PLCXD3: variants seen among roughly 807,000 people sequenced by gnomAD.
PLCXD3 encodes PI-PLC X domain-containing protein 3.
Under a neutral mutation model 25.5 loss-of-function variants are expected in PLCXD3, and 19 were observed. The observed-to-expected ratio is 0.75, with a 90% CI of 0.52 to 1.09. The LOEUF (loss-of-function observed/expected upper bound fraction) is 1.09, where lower values mean the gene tolerates loss of function less well. Ranked by LOEUF, PLCXD3 falls within the 50% of genes least tolerant of loss-of-function variation. The pLI is 0.00. For synonymous variants in PLCXD3, 174 were observed against 137.6 expected, an observed-to-expected ratio of 1.26 and a Z score of -1.85; for missense variants, 411 against 388.1, an observed-to-expected ratio of 1.06 and a Z score of -0.50.
chr5:41,450,871 A>G (rs1362617341), intron 1 of PLCXD3, among the ~76,000 whole-genome samples: 16 of 152,062 alleles, frequency 1.1e-4, no homozygotes, highest in Non-Finnish European at 1.5e-5. Flanking sequence ...AAAGAAGGAG[A>G]TGGATTGCAG....
intron 2 of PLCXD3, among the ~76,000 whole-genome samples, chr5:41,380,354 G>A (rs1294535649): frequency 1.3e-5 from 2 of 151,596 alleles, no homozygotes; most frequent in African/African-American, 2.4e-5. Flanking sequence ...GTGTTTTTTC[G>A]CTTCCCCAGT....
chr5:41,372,138 T>G (rs1178837012), intron 2 of PLCXD3, among the ~76,000 whole-genome samples: 1 of 152,120 alleles, frequency 6.6e-6, no homozygotes, highest in Non-Finnish European at 1.5e-5. Flanking sequence ...ACTAGTTATA[T>G]TTTAAGCTAG....
chr5:41,403,407 T>TTTTTTTTTTTTTTTTTTTTTTTTTTTA (rs1554047960), intron 1 of PLCXD3, among the ~76,000 whole-genome samples: 1 of 34,476 alleles, frequency 2.9e-5, no homozygotes, highest in African/African-American at 1.1e-4. Flanking sequence ...TGTTGTTTTT[T>TTTTTTTTTTTTTTTTTTTTTTTTTTTA]TTTTTTTTTA....
At chr5:41,509,024 C>T (rs1454371886) in intron 1 of PLCXD3, among the ~76,000 whole-genome samples, 1 of 152,164 alleles carries the variant, frequency 6.6e-6, no homozygotes, top group Non-Finnish European at 1.5e-5. Context: ...CTGTGGATAG[C>T]ACTTGTAGTA....
chr5:41,368,375 A>C (rs554204559), intron 2 of PLCXD3, among the ~76,000 whole-genome samples: 122 of 152,302 alleles, frequency 8.0e-4, no homozygotes, highest in African/African-American at 2.8e-3. Context: ...CAATTTTTGC[A>C]CATTAATTTT....
chr5:41,403,407 T>TTTTTTTTTTTTTTTTTTTTTAC (rs1554047960), intron 1 of PLCXD3, among the ~76,000 whole-genome samples: 13 of 34,522 alleles, frequency 3.8e-4, no homozygotes, highest in South Asian at 6.7e-4. Flanking sequence ...TGTTGTTTTT[T>TTTTTTTTTTTTTTTTTTTTTAC]TTTTTTTTTA....
intron 2 of PLCXD3, among the ~76,000 whole-genome samples, chr5:41,346,919 C>T (rs1744317298): frequency 6.6e-6 from 1 of 152,178 alleles, no homozygotes. Context: ...GCTTCATCTT[C>T]GTTCCTTCTA....
intron 1 of PLCXD3, among the ~76,000 whole-genome samples, chr5:41,503,074 T>A (rs892000776): frequency 2.6e-5 from 4 of 152,166 alleles, no homozygotes; most frequent in African/African-American, 9.7e-5. Context: ...TTCCTCCTAC[T>A]CTTCTTCCTC....
intron 2 of PLCXD3, among the ~76,000 whole-genome samples, chr5:41,353,217 C>T (rs1177052970): frequency 2.6e-5 from 4 of 151,812 alleles, no homozygotes; most frequent in East Asian, 1.9e-4. Flanking sequence ...CTCAGCCTCC[C>T]GAGTAGCTGG....
chr5:41,476,456 A>G (rs1748286694), intron 1 of PLCXD3, among the ~76,000 whole-genome samples: 1 of 152,220 alleles, frequency 6.6e-6, no homozygotes, highest in Non-Finnish European at 1.5e-5. Flanking sequence ...CAGGTAGAGT[A>G]TGCCTCCCTC....
intron 1 of PLCXD3, among the ~76,000 whole-genome samples, chr5:41,403,407 T>TTTTTTTTTTTTTTTTTTTTTGTTTTTAC (rs1554047960): frequency 2.9e-5 from 1 of 34,476 alleles, no homozygotes; most frequent in African/African-American, 1.1e-4. Flanking sequence ...TGTTGTTTTT[T>TTTTTTTTTTTTTTTTTTTTTGTTTTTAC]TTTTTTTTTA....
rs201170356 is a variant in PLCXD3, at chr5:41,332,595, T to C, written c.813-18825A>G. Among the ~76,000 whole-genome samples the C allele has an allele frequency of 2.6e-5, 4 of 152,252 alleles. No homozygotes were observed. In the East Asian group the frequency reaches 7.7e-4, roughly 29 times the overall value. ...TTGACCCAGCCATCCCATTACTGAG[T>C]ATATACCCAAAGGACTATAAATCAT... On this transcript the variant is annotated intron_variant, in intron 2 of 2. Coordinates refer to ENST00000377801, the MANE Select transcript of PLCXD3 (RefSeq NM_001005473.3).
chr5:41,484,219 G>A (rs369814827), intron 1 of PLCXD3, among the ~76,000 whole-genome samples: 12 of 151,432 alleles, frequency 7.9e-5, no homozygotes, highest in South Asian at 4.2e-4. Flanking sequence ...TACTCATAAA[G>A]TCTGTGACTT....
At chr5:41,418,291 A>G (rs1746738357) in intron 1 of PLCXD3, among the ~76,000 whole-genome samples, 1 of 152,210 alleles carries the variant, frequency 6.6e-6, no homozygotes, top group South Asian at 2.1e-4. Flanking sequence ...TGTTTTTAAG[A>G]TAAAACATGA....
At chr5:41,416,458 C>T (rs1356969779) in intron 1 of PLCXD3, among the ~76,000 whole-genome samples, 2 of 152,178 alleles carry the variant, frequency 1.3e-5, no homozygotes, top group African/African-American at 4.8e-5. Flanking sequence ...GAGGGTGGGT[C>T]TCAGACCATC....
intron 2 of PLCXD3, among the ~76,000 whole-genome samples, chr5:41,364,454 G>A (rs1369163018): frequency 6.6e-6 from 1 of 152,124 alleles, no homozygotes; most frequent in Non-Finnish European, 1.5e-5. Context: ...ATTTGCCTTA[G>A]ATTCCTTCAC....
chr5:41,446,287 A>G (rs1281086070), intron 1 of PLCXD3, among the ~76,000 whole-genome samples: 1 of 150,800 alleles, frequency 6.6e-6, no homozygotes, highest in East Asian at 2.0e-4. Context: ...CCTACCAGGG[A>G]ATTTTCATCC....
At chr5:41,472,638 T>G (rs1182185826) in intron 1 of PLCXD3, among the ~76,000 whole-genome samples, 1 of 152,236 alleles carries the variant, frequency 6.6e-6, no homozygotes, top group Non-Finnish European at 1.5e-5. Flanking sequence ...CATCTCAGAA[T>G]AGGCTTGTCA....
At chr5:41,479,901 C>A (rs1748361434) in intron 1 of PLCXD3, among the ~76,000 whole-genome samples, 1 of 152,016 alleles carries the variant, frequency 6.6e-6, no homozygotes, top group African/African-American at 2.4e-5. Context: ...TAATACATCA[C>A]CTAGAATATA....
Sources: gnomAD v4.1 joint callset for allele counts (sites outside exome capture counted in the v4.1 genomes callset) on GRCh38, gnomAD v4.1.1 for gene constraint, MANE v1.5 for transcripts, NCBI Gene and HGNC (gene_info 2026-07-23, HGNC 2026-07-21) for gene names.